Variants in TSEN2 observed in about 807,000 individuals in gnomAD.
TSEN2 encodes tRNA splicing endonuclease subunit 2.
In TSEN2, 54 loss-of-function variants were observed where a neutral mutation model predicts 59.2. The ratio of observed to expected loss-of-function variants is 0.91; its 90% CI spans 0.73 to 1.14. The LOEUF is 1.14. Among genes scored for constraint, TSEN2 ranks in the 50% most tolerant of loss-of-function variants. The probability of loss-of-function intolerance (pLI) is 0.00; values close to 1 mark genes in which losing one functional copy is unlikely to be tolerated. For missense variants in TSEN2, 636 were observed against 576.2 expected (o/e 1.10, Z -1.06); for synonymous variants, 195 against 198.2 (o/e 0.98, Z 0.14).
At chr3:12,506,816 G>A (rs895500707) in intron 6 of TSEN2, 2 of 985,398 alleles carry the variant, frequency 2.0e-6, no homozygotes, top group Non-Finnish European at 2.4e-6. Context: ...GCAGTGTCCA[G>A]TGTGGTTCTT....
At chr3:12,530,653 A>G (rs2057399964) in intron 10 of TSEN2, 53 of 985,316 alleles carry the variant, frequency 5.4e-5, no homozygotes, top group Non-Finnish European at 6.3e-5. Flanking sequence ...ACTGCCCTTT[A>G]GAGCAGGTTA....
chr3:12,498,213 T>C (rs1397897692), intron 4 of TSEN2, among the ~76,000 whole-genome samples: 1 of 152,182 alleles, frequency 6.6e-6, no homozygotes, highest in African/African-American at 2.4e-5. Flanking sequence ...AAAGACCCTG[T>C]TTCCAGATAA....
At chr3:12,484,402 G>C (rs1332819065), upstream of TSEN2, 1 of 152,264 alleles carries the variant, frequency 6.6e-6, no homozygotes, top group Non-Finnish European at 1.5e-5. Context: ...AAGTCCCGAC[G>C]GGAGCTCTGC....
intron 5 of TSEN2, 83 bp downstream of exon 5, chr3:12,503,867 G>A: frequency 1.3e-6 from 2 of 1,521,442 alleles, no homozygotes; most frequent in African/African-American, 1.4e-5. Flanking sequence ...TTTGCCTGCA[G>A]CTGGTAGCTG....
At chr3:12,532,608 G>A in intron 11 of TSEN2, 54 bp from the exon 12 acceptor site, 2 of 1,582,448 alleles carry the variant, frequency 1.3e-6, no homozygotes, top group Non-Finnish European at 1.7e-6. Context: ...TGTGGTGTCA[G>A]AATGGTCTTA....
intron 6 of TSEN2, among the ~76,000 whole-genome samples, chr3:12,509,307 C>T (rs1389149340): frequency 6.6e-6 from 1 of 151,218 alleles, no homozygotes; most frequent in African/African-American, 2.4e-5. Flanking sequence ...TTCAAGTGAT[C>T]CTCCCACCTC....
At chr3:12,498,018 C>G (rs571908358) in intron 4 of TSEN2, among the ~76,000 whole-genome samples, 1 of 151,982 alleles carries the variant, frequency 6.6e-6, no homozygotes, top group East Asian at 1.9e-4. Flanking sequence ...CCTCTGTGGT[C>G]ATGTGGCATT....
At chr3:12,523,110 C>A (rs1332415648) in intron 8 of TSEN2, among the ~76,000 whole-genome samples, 1 of 152,084 alleles carries the variant, frequency 6.6e-6, no homozygotes, top group Non-Finnish European at 1.5e-5. Context: ...GTGGGTCTAT[C>A]CTCCCTATCT....
At chr3:12,529,563 A>T (rs2057331028) in intron 9 of TSEN2, among the ~76,000 whole-genome samples, 199 bp from the exon 10 acceptor site, 1 of 152,018 alleles carries the variant, frequency 6.6e-6, no homozygotes. Context: ...TTTTCCTGTA[A>T]GTTTTGGAAT....
At chr3:12,529,356 A>G (rs2057312226) in intron 9 of TSEN2, among the ~76,000 whole-genome samples, 1 of 151,770 alleles carries the variant, frequency 6.6e-6, no homozygotes, top group Non-Finnish European at 1.5e-5. Flanking sequence ...AATCTCAGCT[A>G]CTCAGGAGGC....
At position 12,532,798 on chromosome 3, in the gene TSEN2, C is replaced by A; in HGVS notation, c.*77C>A. The A allele has an allele frequency of 2.8e-6, 4 of 1,403,554 alleles. No homozygotes were observed. The highest frequency in any genetic ancestry group is 1.4e-5 in the African/African-American group (1 of 70,800). The allele number at this position is 1,403,554 out of a possible 1,614,324, so 86.9% of individuals were successfully genotyped here. ...GGTAAAAAGTTCTTTTTGTTGTAAT[C>A]GTCCATTAATTCATAAGTTTTAAAG... On this transcript the variant is annotated 3_prime_UTR_variant, in exon 12 of 12. Coordinates refer to ENST00000284995, the MANE Select transcript of TSEN2 (RefSeq NM_025265.4).
chr3:12,523,918 G>A (rs527988694), intron 8 of TSEN2, among the ~76,000 whole-genome samples: 9 of 152,066 alleles, frequency 5.9e-5, no homozygotes, highest in Admixed American at 2.6e-4. Flanking sequence ...TATTCTTCAC[G>A]TTTACGTACA....
At chr3:12,508,160 C>G (rs1197908318) in intron 6 of TSEN2, among the ~76,000 whole-genome samples, 1 of 152,150 alleles carries the variant, frequency 6.6e-6, no homozygotes, top group Non-Finnish European at 1.5e-5. Context: ...TATTCCGTGT[C>G]AGATGCTGGG....
intron 7 of TSEN2, among the ~76,000 whole-genome samples, chr3:12,517,100 C>T (rs2056204336): frequency 6.6e-6 from 1 of 152,138 alleles, no homozygotes; most frequent in Non-Finnish European, 1.5e-5. Flanking sequence ...GTAATCCCAG[C>T]ACACTGGGGG....
chr3:12,487,902 C>T (rs1482399842), intron 1 of TSEN2, among the ~76,000 whole-genome samples: 2 of 152,154 alleles, frequency 1.3e-5, no homozygotes, highest in Admixed American at 6.5e-5. Flanking sequence ...CTTCAAGGAA[C>T]CTTATTTAGA....
intron 3 of TSEN2, among the ~76,000 whole-genome samples, chr3:12,494,659 C>T (rs571389247): frequency 6.6e-6 from 1 of 151,762 alleles, no homozygotes; most frequent in Admixed American, 6.6e-5. Flanking sequence ...CCTTGGCCTC[C>T]CAAAGTGCTG....
At position 12,503,253 on chromosome 3, in the gene TSEN2, G is replaced by A. The variant is rs760332839; in HGVS notation, c.309-9G>A. The A allele has an allele frequency of 6.8e-6, 11 of 1,614,078 alleles. No homozygotes were observed. The highest frequency in any genetic ancestry group is 2.2e-5 in the South Asian group (2 of 91,076). On this transcript the variant is annotated splice_polypyrimidine_tract_variant and intron_variant, in intron 4 of 11. Coordinates refer to ENST00000284995, the MANE Select transcript of TSEN2 (RefSeq NM_025265.4). ...GAGTGCTGTTTCTAACAGTATTTCT[G>A]TCTTGCAGGTATCAGCATAGTGTTG...
intron 8 of TSEN2, among the ~76,000 whole-genome samples, chr3:12,527,615 G>A (rs949156712): frequency 2.0e-5 from 3 of 152,046 alleles, no homozygotes; most frequent in Non-Finnish European, 1.5e-5. Flanking sequence ...TAATTGTGTC[G>A]TTATGGCAAT....
At chr3:12,530,759 C>A (rs531597315) in intron 10 of TSEN2, 80 of 985,040 alleles carry the variant, frequency 8.1e-5, no homozygotes, top group Non-Finnish European at 9.2e-5. Context: ...GTAGCATATA[C>A]TTAATATGTC....
Sources: allele counts gnomAD v4.1 joint callset (sites outside exome capture counted in the v4.1 genomes callset), GRCh38; gene constraint gnomAD v4.1.1; transcripts MANE v1.5; gene names NCBI Gene and HGNC (gene_info 2026-07-23, HGNC 2026-07-21).